Variants in TRAK2 observed in about 807,000 individuals in gnomAD.
The protein encoded by TRAK2 is trafficking kinesin protein 2.
Under a neutral mutation model 104.6 loss-of-function variants are expected in TRAK2, and 81 were observed. The ratio of observed to expected loss-of-function variants is 0.77; its 90% confidence interval spans 0.65 to 0.93. TRAK2 has a LOEUF of 0.93. Ranked by LOEUF, TRAK2 falls within the 40% of genes least tolerant of loss-of-function variation. The probability of loss-of-function intolerance (pLI) is 0.00; values close to 1 mark genes in which losing one functional copy is unlikely to be tolerated. For synonymous variants in TRAK2, 406 were observed against 394.4 expected (o/e 1.03, Z -0.35); for missense variants, 1,002 against 1,089.0 (o/e 0.92, Z 1.12).
chr2:201,395,262 G>A (rs750488448), intron 8 of TRAK2, 52 bp downstream of exon 8: 4 of 1,503,648 alleles, frequency 2.7e-6, no homozygotes, highest in African/African-American at 1.4e-5. Context: ...CATGGTGCAA[G>A]ATACTATGTG....
intron 3 of TRAK2, 77 bp from the exon 4 acceptor site, chr2:201,401,171 T>G: frequency 5.6e-4 from 448 of 802,678 alleles, no homozygotes; most frequent in Non-Finnish European, 7.7e-4. Flanking sequence ...AATTGAGAGA[T>G]AACAACAACA....
intron 1 of TRAK2, among the ~76,000 whole-genome samples, chr2:201,444,946 T>G (rs1022566601): frequency 6.6e-6 from 1 of 152,146 alleles, no homozygotes; most frequent in African/African-American, 2.4e-5. Flanking sequence ...ATAACACTCT[T>G]AAATTAGACT....
rs1391264268 is a variant in TRAK2, at chr2:201,431,024, C to T, written c.-199-10318G>A. ...AACTGTGTACCCAGAATGACTACCA[C>T]GTTTAAGTATGGAGTAGATGCGGTC... On this transcript the variant is annotated intron_variant, in intron 1 of 15. Coordinates refer to ENST00000332624, the MANE Select transcript of TRAK2 (RefSeq NM_015049.3). 5.9e-5 allele frequency among the ~76,000 whole-genome samples: 9 copies of T among 152,154 alleles called. No homozygotes were observed. The South Asian group carries it at 6.2e-4, about 10-fold the overall frequency.
At chr2:201,441,753 G>T (rs533755686) in intron 1 of TRAK2, among the ~76,000 whole-genome samples, 3 of 148,880 alleles carry the variant, frequency 2.0e-5, no homozygotes, top group Admixed American at 6.8e-5. Flanking sequence ...GTGCAGAGGC[G>T]CGATCTCAGC....
Position 201,381,123 on chromosome 2 carries a change from C to A in TRAK2, c.2165G>T (p.Gly722Val). ...ATCTCGTCGGTTGGTGATGGACTCACCAATGCTGAGTCTATAGGACAAGGC... is the reference window on the plus strand; with the variant it reads ...ATCTCGTCGGTTGGTGATGGACTCAACAATGCTGAGTCTATAGGACAAGGC... ...SPALSYRLSIGESITNRRDST... is the reference protein window; with the variant it reads ...SPALSYRLSIVESITNRRDST... The change falls in exon 16 of 16, where the codon GGT becomes GTT. Residue 722 changes from glycine to valine, a missense_variant. Coordinates refer to ENST00000332624, the MANE Select transcript of TRAK2 (RefSeq NM_015049.3). 1 of 1,613,712 alleles carries A rather than the reference C, an allele frequency of 6.2e-7. No homozygotes were observed. The highest frequency in any genetic ancestry group is 1.7e-5 in the Admixed American group (1 of 59,966).
chr2:201,435,491 A>G (rs568059938), intron 1 of TRAK2, among the ~76,000 whole-genome samples: 20 of 152,364 alleles, frequency 1.3e-4, no homozygotes, highest in African/African-American at 4.6e-4. Flanking sequence ...TAATATTCAC[A>G]TCTAACACTG....
chr2:201,398,491 C>G (rs145195489), intron 5 of TRAK2, 137 bp from the exon 6 acceptor site: 1 of 755,178 alleles, frequency 1.3e-6, no homozygotes, highest in Non-Finnish European at 2.1e-6. Flanking sequence ...TACTGACTAA[C>G]GCAACAAGTA....
chr2:201,444,160 C>T (rs1265949682), intron 1 of TRAK2, among the ~76,000 whole-genome samples: 1 of 152,028 alleles, frequency 6.6e-6, no homozygotes, highest in Non-Finnish European at 1.5e-5. Flanking sequence ...GAGATCGTAC[C>T]ACTGCACTCC....
chr2:201,429,473 A>G (rs531560555), intron 1 of TRAK2, among the ~76,000 whole-genome samples: 3 of 152,238 alleles, frequency 2.0e-5, no homozygotes, highest in African/African-American at 7.2e-5. Context: ...ACTTGGTTCC[A>G]TTCTCCCCGT....
At position 201,407,471 on chromosome 2, in the gene TRAK2, G is replaced by A. The variant is rs1346400118; in HGVS notation, c.218C>T (p.Pro73Leu). The A allele has an allele frequency of 6.2e-7, 1 of 1,614,058 alleles. No homozygotes were observed. Among genetic ancestry groups the A allele is most frequent in the South Asian group, 1.1e-5 (1 of 91,070 alleles). The change falls in exon 3 of 16, where the codon CCA (proline) becomes CTA (leucine). Residue 73 changes from proline to leucine, a missense_variant. Pro to Leu is a moderately conservative substitution (Grantham distance 98). Coordinates refer to ENST00000332624, the MANE Select transcript of TRAK2 (RefSeq NM_015049.3). ...LYENQDWTQS[P>L]HQRQHASDAL... ...ATCAGATGCATGCTGCCGCTGGTGTGGAGACTGAGTCCAGTCTTGATTTTC... is the reference window on the plus strand; with the variant it reads ...ATCAGATGCATGCTGCCGCTGGTGTAGAGACTGAGTCCAGTCTTGATTTTC...
At position 201,389,304 on chromosome 2, in the gene TRAK2, C is replaced by A; in HGVS notation, c.1393G>T (p.Ala465Ser). Residue 465 changes from alanine (A) to serine (S), a missense_variant, in exon 12 of 16, where the codon GCA becomes TCA. Transcript: ENST00000332624. ...CTGTTATCATCGGATTCCTACCCTG[C>A]AACCTCCTCTGAGCTGCTCCCCTGG... The part of the protein sequence containing the change: ...LNQGSSSEEV[A>S]GSSQKMGQPG... 6.2e-7 allele frequency: 1 copy of A among 1,614,112 alleles called. No homozygotes were observed. The highest frequency in any genetic ancestry group is 8.5e-7 in the Non-Finnish European group (1 of 1,179,960).
At chr2:201,414,443 C>G (rs1207877578) in intron 2 of TRAK2, among the ~76,000 whole-genome samples, 4 of 152,290 alleles carry the variant, frequency 2.6e-5, no homozygotes, top group Admixed American at 1.3e-4. Flanking sequence ...CAACAAAGTA[C>G]TGGTTAAGAA....
intron 1 of TRAK2, among the ~76,000 whole-genome samples, chr2:201,445,282 G>T (rs1314061033): frequency 1.3e-5 from 2 of 152,086 alleles, no homozygotes; most frequent in Non-Finnish European, 2.9e-5. Flanking sequence ...TCAATACAAT[G>T]ACCTCAATTA....
Position 201,394,877 on chromosome 2 carries a change from C to T in TRAK2, c.901-5G>A, listed in dbSNP as rs371289997. On this transcript the variant is annotated splice_region_variant and splice_polypyrimidine_tract_variant and intron_variant, in intron 8 of 15. Transcript: ENST00000332624. ...TTCTTCCTTCTCAATCACATGCTAA[C>T]AACATATTAAAAAAGACATGTGAAG... The T allele has an allele frequency of 3.7e-6, 6 of 1,612,054 alleles. No homozygotes were observed. In the African/African-American group the frequency reaches 4.0e-5, roughly 11 times the overall value.
At chr2:201,389,573 T>C (rs1951426057) in intron 11 of TRAK2, 70 bp from the exon 12 acceptor site, 2 of 1,446,740 alleles carry the variant, frequency 1.4e-6, no homozygotes, top group Non-Finnish European at 1.9e-6. Context: ...AGAATGTATG[T>C]GCAGTCCATC....
At chr2:201,396,897 T>G (rs1295553091) in intron 7 of TRAK2, among the ~76,000 whole-genome samples, 1 of 152,194 alleles carries the variant, frequency 6.6e-6, no homozygotes, top group Admixed American at 6.5e-5. Flanking sequence ...AATGTTTGAT[T>G]TAATATTTTC....
intron 7 of TRAK2, among the ~76,000 whole-genome samples, chr2:201,397,080 C>T (rs1951509201): frequency 6.6e-6 from 1 of 152,098 alleles, no homozygotes; most frequent in Non-Finnish European, 1.5e-5. Flanking sequence ...AAACACATTC[C>T]TTTAAAGAAA....
intron 3 of TRAK2, among the ~76,000 whole-genome samples, chr2:201,406,830 C>T (rs1318984859): frequency 6.6e-6 from 1 of 152,180 alleles, no homozygotes; most frequent in Non-Finnish European, 1.5e-5. Context: ...TCTTTTCTAA[C>T]AGCTTGGTGT....
chr2:201,434,019 G>A (rs988878183), intron 1 of TRAK2, among the ~76,000 whole-genome samples: 3 of 151,776 alleles, frequency 2.0e-5, no homozygotes, highest in Non-Finnish European at 2.9e-5. Flanking sequence ...CTGCAGTGGC[G>A]CTATCTCGGC....
Sources: gnomAD v4.1 joint callset for allele counts (sites outside exome capture counted in the v4.1 genomes callset) on GRCh38, gnomAD v4.1.1 for gene constraint, MANE v1.5 for transcripts, NCBI Gene and HGNC (gene_info 2026-07-23, HGNC 2026-07-21) for gene names.